The following AFG1L variants were observed in gnomAD, a reference collection of about 807,000 sequenced individuals.
AFG1L encodes the protein AFG1-like ATPase.
A neutral mutation model predicts 62.2 loss-of-function variants in AFG1L; 53 were observed. That is an observed-to-expected ratio of 0.85 (90% CI 0.68 to 1.07). The LOEUF (loss-of-function observed/expected upper bound fraction) is 1.07. Among genes scored for constraint, AFG1L ranks in the 50% least tolerant of loss-of-function variants. AFG1L has a pLI of 0.00. For missense variants in AFG1L, 555 were observed against 590.5 expected (o/e 0.94, Z 0.62); for synonymous variants, 228 against 210.3 (o/e 1.08, Z -0.73).
At chr6:108,329,771 TTCCAGTGATGGAAAAAC>T (rs1778198468) in intron 2 of AFG1L, among the ~76,000 whole-genome samples, 3 of 152,178 alleles carry the variant, frequency 2.0e-5, no homozygotes, top group Admixed American at 6.5e-5. Context: ...CTATTAGGTT[TTCCAGTGATGGAAAAAC>T]TCCAGTGATG....
Position 108,519,808 on chromosome 6 carries a change from C to T in AFG1L, c.1315C>T (p.Gln439Ter). 6.3e-7 allele frequency: 1 copy of T among 1,586,108 alleles called. No individual in the cohort carries two copies. The stretch of plus-strand genomic sequence containing the variant: ...ACTGATGGATGATTTGGGGCTGAGC[C>T]AGGTAGGCGATATTAACATAATCTC... ...RILMDDLGLS[Q>*]DSAEGLSMFT... The change falls in exon 12 of 13, where the codon CAG becomes TAG. Residue 439 changes from glutamine (Q) to a stop codon, truncating the protein, a stop_gained and splice_region_variant. Transcript: ENST00000368977. LOFTEE classifies it high-confidence loss of function.
intron 11 of AFG1L, among the ~76,000 whole-genome samples, chr6:108,511,943 T>A (rs1774667388): frequency 6.6e-6 from 1 of 152,180 alleles, no homozygotes; most frequent in Non-Finnish European, 1.5e-5. Flanking sequence ...CGATGTAAAA[T>A]CACCACTGTG....
chr6:108,396,600 C>T (rs774658515), intron 6 of AFG1L, among the ~76,000 whole-genome samples: 50 of 152,220 alleles, frequency 3.3e-4, no homozygotes, highest in Non-Finnish European at 6.0e-4. Context: ...AAGCTATTCT[C>T]CTACCTCAGC....
intron 2 of AFG1L, among the ~76,000 whole-genome samples, chr6:108,342,188 C>T (rs1321414598): frequency 6.6e-6 from 1 of 152,102 alleles, no homozygotes; most frequent in Admixed American, 6.5e-5. Context: ...CTTTCTATGC[C>T]CTCTGTCCTG....
rs554771967 is a variant in AFG1L at position 108,422,491 on chromosome 6, A to AG, written c.807+20437_807+20438insG. 1.7e-4 allele frequency among the ~76,000 whole-genome samples: 25 copies of AG among 148,282 alleles called. 2 individuals are homozygous for AG. The South Asian group carries it at 5.3e-3, about 32-fold the overall frequency. ...TTAGTCCTCAGCAAAAAAAAAAAAA[A>AG]AAAAAAAAGAAGAAGAAATGCTCTA... On this transcript the variant is annotated intron_variant, in intron 7 of 12. Transcript: ENST00000368977.
chr6:108,306,263 A>G (rs757427069), intron 1 of AFG1L, among the ~76,000 whole-genome samples: 1 of 152,210 alleles, frequency 6.6e-6, no homozygotes, highest in African/African-American at 2.4e-5. Flanking sequence ...TCTGGGCCAT[A>G]TAGTCAAACA....
At chr6:108,332,304 C>T (rs1020043410) in intron 2 of AFG1L, among the ~76,000 whole-genome samples, 4 of 152,164 alleles carry the variant, frequency 2.6e-5, no homozygotes, top group Admixed American at 6.6e-5. Flanking sequence ...TATTCCATTA[C>T]TATATTGTAT....
chr6:108,524,491 G>A lies in AFG1L; in HGVS notation c.*2066G>A, dbSNP rs1001950107. ...ACAATCACGTAATGTTAGTTGGGGTGCTGGTCAAACGCATAGAAGCCTATG... is the reference window on the plus strand; with the variant it reads ...ACAATCACGTAATGTTAGTTGGGGTACTGGTCAAACGCATAGAAGCCTATG... On this transcript the variant is annotated 3_prime_UTR_variant, in exon 13 of 13. Coordinates refer to ENST00000368977, the MANE Select transcript of AFG1L (RefSeq NM_145315.5). The A allele has an allele frequency of 6.6e-6, 1 of 152,212 alleles. No individual in the cohort carries two copies. Among genetic ancestry groups the A allele is most frequent in the Non-Finnish European group, 1.5e-5 (1 of 68,034 alleles). The allele number at this position is 152,212 out of a possible 1,614,324, so 9.4% of individuals were successfully genotyped here.
intron 8 of AFG1L, among the ~76,000 whole-genome samples, chr6:108,465,008 CAG>C (rs1012759267): frequency 3.9e-5 from 6 of 152,210 alleles, no homozygotes; most frequent in Non-Finnish European, 7.3e-5. Flanking sequence ...TATCCTTACT[CAG>C]TGTCTGTCTC....
chr6:108,510,843 G>T (rs1392123231), intron 11 of AFG1L, among the ~76,000 whole-genome samples: 2 of 152,134 alleles, frequency 1.3e-5, no homozygotes, highest in African/African-American at 4.8e-5. Flanking sequence ...ACTTTGGGAG[G>T]CCAAGGGAGG....
At chr6:108,416,315 C>T (rs1406602285) in intron 7 of AFG1L, among the ~76,000 whole-genome samples, 1 of 152,212 alleles carries the variant, frequency 6.6e-6, no homozygotes, top group Non-Finnish European at 1.5e-5. Context: ...AATGCTTTTA[C>T]ACTGTTGGTG....
intron 1 of AFG1L, among the ~76,000 whole-genome samples, chr6:108,299,443 A>G (rs929697524): frequency 6.6e-6 from 1 of 152,172 alleles, no homozygotes; most frequent in African/African-American, 2.4e-5. Context: ...AATCAAAAGA[A>G]ACAAAACAAA....
chr6:108,430,534 C>T (rs1771023370), intron 7 of AFG1L, among the ~76,000 whole-genome samples: 1 of 152,102 alleles, frequency 6.6e-6, no homozygotes. Context: ...TACTGCTTCC[C>T]ACACCCATGA....
chr6:108,426,282 T>C (rs1270000773), intron 7 of AFG1L, among the ~76,000 whole-genome samples: 1 of 151,764 alleles, frequency 6.6e-6, no homozygotes, highest in Non-Finnish European at 1.5e-5. Context: ...GAAGAAAAAA[T>C]CTTGTGGGTA....
intron 8 of AFG1L, among the ~76,000 whole-genome samples, chr6:108,459,481 G>A (rs1772374058): frequency 1.3e-5 from 2 of 152,316 alleles, no homozygotes; most frequent in Admixed American, 6.5e-5. Context: ...TGTTTCGGTT[G>A]TTTAAGGCAG....
At chr6:108,458,591 G>C (rs998068774) in intron 8 of AFG1L, among the ~76,000 whole-genome samples, 2 of 152,046 alleles carry the variant, frequency 1.3e-5, no homozygotes, top group Admixed American at 1.3e-4. Context: ...TGGGACTATA[G>C]ACACACACCA....
At chr6:108,304,443 C>T (rs1777129009) in intron 1 of AFG1L, among the ~76,000 whole-genome samples, 1 of 152,170 alleles carries the variant, frequency 6.6e-6, no homozygotes, top group East Asian at 1.9e-4. Context: ...GCATGGGCTT[C>T]TGTCATTGCA....
At chr6:108,401,049 A>G (rs1781580578) in intron 6 of AFG1L, among the ~76,000 whole-genome samples, 1 of 150,486 alleles carries the variant, frequency 6.6e-6, no homozygotes, top group African/African-American at 2.4e-5. Flanking sequence ...GCTAACTGTA[A>G]CTTCCACCTC....
At chr6:108,296,283 T>C (rs1776764422) in intron 1 of AFG1L, among the ~76,000 whole-genome samples, 1 of 152,160 alleles carries the variant, frequency 6.6e-6, no homozygotes, top group Admixed American at 6.5e-5. Flanking sequence ...TCGTTAAAAG[T>C]AAATAAATAA....
Sources: gnomAD v4.1 joint callset for allele counts (sites outside exome capture counted in the v4.1 genomes callset) on GRCh38, gnomAD v4.1.1 for gene constraint, MANE v1.5 for transcripts, NCBI Gene and HGNC (gene_info 2026-07-23, HGNC 2026-07-21) for gene names.